Variants in TCP11L2 observed in about 807,000 individuals in gnomAD.
TCP11L2 encodes the protein t-complex 11 like 2.
In TCP11L2, 39 loss-of-function variants were observed where a neutral mutation model predicts 50.7. That is an observed-to-expected ratio of 0.77 (90% CI 0.60 to 1.01). The LOEUF (loss-of-function observed/expected upper bound fraction) is 1.01, where lower values mean the gene tolerates loss of function less well. Ranked by LOEUF, TCP11L2 falls within the 50% of genes least tolerant of loss-of-function variation. The probability of loss-of-function intolerance (pLI) is 0.00; values close to 1 mark genes in which losing one functional copy is unlikely to be tolerated. For synonymous variants in TCP11L2, 192 were observed against 219.3 expected, an observed-to-expected ratio of 0.88 and a Z score of 1.10; for missense variants, 612 against 614.7, an observed-to-expected ratio of 1.00 and a Z score of 0.05.
intron 8 of TCP11L2, 83 bp from the exon 9 acceptor site, chr12:106,340,743 A>G: frequency 8.2e-7 from 1 of 1,217,670 alleles, no homozygotes; most frequent in Non-Finnish European, 1.1e-6. Context: ...TTTGGTAGAC[A>G]TCTAAAACAA....
chr12:106,315,695 C>T (rs1191537284), intron 3 of TCP11L2, among the ~76,000 whole-genome samples: 1 of 151,806 alleles, frequency 6.6e-6, no homozygotes. Context: ...GCAAGAGGCA[C>T]TTCCTGGTTA....
intron 1 of TCP11L2, chr12:106,303,241 A>G (rs1451424468): frequency 6.6e-6 from 1 of 152,164 alleles, no homozygotes; most frequent in Non-Finnish European, 1.5e-5. Context: ...CGCTGTTTAA[A>G]TCCTGCTGGA....
chr12:106,328,289 T>C (rs1168314081), intron 6 of TCP11L2, among the ~76,000 whole-genome samples: 1 of 152,240 alleles, frequency 6.6e-6, no homozygotes. Flanking sequence ...CTTACGCCTG[T>C]AATCCCAGCA....
intron 2 of TCP11L2, 137 bp downstream of exon 2, chr12:106,311,369 A>C: frequency 2.1e-6 from 2 of 961,714 alleles, no homozygotes; most frequent in East Asian, 5.3e-5. Context: ...CTGCAGAGGC[A>C]CTGCAGCTTT....
chr12:106,301,405 T>C (rs1313479910), upstream of TCP11L2, among the ~76,000 whole-genome samples: 2 of 152,242 alleles, frequency 1.3e-5, no homozygotes, highest in African/African-American at 2.4e-5. Context: ...TATTTCACTT[T>C]ATCCTCAAAA....
At chr12:106,305,516 T>C (rs910318666) in intron 1 of TCP11L2, among the ~76,000 whole-genome samples, 4 of 152,148 alleles carry the variant, frequency 2.6e-5, no homozygotes, top group Non-Finnish European at 5.9e-5. Context: ...CACACAAGTG[T>C]AGTACTGTAA....
At chr12:106,324,800 C>G (rs182759010) in intron 6 of TCP11L2, 1 of 152,010 alleles carries the variant, frequency 6.6e-6, no homozygotes, top group African/African-American at 2.4e-5. Context: ...CTCGTACAAC[C>G]GGGTGAATGG....
At chr12:106,346,203 C>T in intron 9 of TCP11L2, 83 bp from the exon 10 acceptor site, 1 of 1,380,150 alleles carries the variant, frequency 7.2e-7, no homozygotes, top group South Asian at 1.4e-5. Flanking sequence ...TTGCAGTCAA[C>T]CTACTACAAT....
At chr12:106,318,960 G>A (rs574149384) in intron 4 of TCP11L2, among the ~76,000 whole-genome samples, 4 of 151,302 alleles carry the variant, frequency 2.6e-5, no homozygotes, top group Non-Finnish European at 5.9e-5. Flanking sequence ...GCCGGACTGC[G>A]GACTGCAGTG....
intron 6 of TCP11L2, among the ~76,000 whole-genome samples, chr12:106,334,190 A>G (rs1320096682): frequency 2.6e-5 from 4 of 152,210 alleles, no homozygotes; most frequent in Non-Finnish European, 4.4e-5. Context: ...TGGTGTCAGA[A>G]AAGCCAGGGA....
At chr12:106,325,287 G>C (rs911530544) in intron 6 of TCP11L2, 3 of 152,236 alleles carry the variant, frequency 2.0e-5, no homozygotes, top group African/African-American at 7.2e-5. Context: ...ACTACCTAGG[G>C]GGAGTGAGTG....
chr12:106,328,897 C>A (rs1186123363), intron 6 of TCP11L2, among the ~76,000 whole-genome samples: 1 of 152,154 alleles, frequency 6.6e-6, no homozygotes, highest in Admixed American at 6.6e-5. Flanking sequence ...TGAACACTCT[C>A]ACCACTCAGA....
At position 106,335,950 on chromosome 12, in the gene TCP11L2, T is replaced by C. The variant is rs145976085; in HGVS notation, c.961-82T>C. 225 of 1,497,244 alleles carry C rather than the reference T, an allele frequency of 1.5e-4. 1 individual carries two copies. In the East Asian group the frequency reaches 5.4e-3, roughly 36 times the overall value. The allele number at this position is 1,497,244 out of a possible 1,614,324, so 92.7% of individuals were successfully genotyped here. On this transcript the variant is annotated intron_variant, in intron 7 of 9. Coordinates refer to ENST00000299045, the MANE Select transcript of TCP11L2 (RefSeq NM_152772.3). Reference sequence around the variant, plus strand: ...TACAAAAATCAGATAAAAATGGGAATTTGGAAATGACATTGCCTGTTTTGT... The same window carrying C: ...TACAAAAATCAGATAAAAATGGGAACTTGGAAATGACATTGCCTGTTTTGT...
Position 106,335,583 on chromosome 12 carries a change from C to T in TCP11L2, c.773-56C>T, listed in dbSNP as rs1047782734. 1.3e-5 allele frequency: 20 copies of T among 1,556,276 alleles called. No individual in the cohort carries two copies. In the African/African-American group the frequency reaches 2.4e-4, roughly 19 times the overall value. ...AACACAGCATCTGTCAAGTGGAATA[C>T]ACCAGTGAAGGGATCAATCAGCTGT... On this transcript the variant is annotated intron_variant, in intron 6 of 9. Transcript: ENST00000299045.
intron 4 of TCP11L2, among the ~76,000 whole-genome samples, 188 bp downstream of exon 4, chr12:106,318,652 A>G (rs1396087814): frequency 6.6e-6 from 1 of 152,210 alleles, no homozygotes; most frequent in East Asian, 1.9e-4. Context: ...TGATTCATAG[A>G]TGGTGCCTTC....
chr12:106,314,425 G>A lies in TCP11L2; in HGVS notation c.225G>A (p.Leu75=). Residue 75 remains leucine, a synonymous_variant, in exon 3 of 10, where the codon TTG becomes TTA. Transcript: ENST00000299045. The part of the protein sequence containing the change: ...VMATARNLSN[L]TLAHEIAVNE... Reference sequence around the variant, plus strand: ...CTACAGCAAGGAACTTATCAAACTTGACTCTTGCTCATGAGATTGCTGTAA... The same window carrying A: ...CTACAGCAAGGAACTTATCAAACTTAACTCTTGCTCATGAGATTGCTGTAA... 6.2e-7 allele frequency: 1 copy of A among 1,613,760 alleles called. No individual in the cohort carries two copies.
rs761226883 is a variant in TCP11L2 at position 106,323,695 on chromosome 12, G to T, written c.772+49G>T. 3.1e-5 allele frequency: 30 copies of T among 953,090 alleles called. 1 individual carries two copies. In the Admixed American group the frequency reaches 5.2e-4, roughly 16 times the overall value. The allele number at this position is 953,090 out of a possible 1,614,324, so 59.0% of individuals were successfully genotyped here. ...TATATTGAAATTAGGTTAAAATGAT[G>T]ATTTTAAATGTTAAAATTTAAATTA... On this transcript the variant is annotated intron_variant, in intron 6 of 9. Transcript: ENST00000299045.
Position 106,318,471 on chromosome 12 carries a change from T to G in TCP11L2, c.414+7T>G. 1 of 1,613,326 alleles carries G rather than the reference T, an allele frequency of 6.2e-7. No homozygotes were observed. The highest frequency in any genetic ancestry group is 8.5e-7 in the Non-Finnish European group (1 of 1,179,448). On this transcript the variant is annotated splice_region_variant and intron_variant, in intron 4 of 9. Coordinates refer to ENST00000299045, the MANE Select transcript of TCP11L2 (RefSeq NM_152772.3). ...GTTTGAAGAAATCAGAGAGGCAAGT[T>G]GCTTTGTTGTCTGTGTCAGTTAGCG...
chr12:106,330,376 C>A, intron 6 of TCP11L2: 1 of 915,960 alleles, frequency 1.1e-6, no homozygotes, highest in African/African-American at 1.8e-5. Flanking sequence ...TGCCACTGCC[C>A]CCGCCCCACA....
Sources: allele counts gnomAD v4.1 joint callset (sites outside exome capture counted in the v4.1 genomes callset), GRCh38; gene constraint gnomAD v4.1.1; transcripts MANE v1.5; gene names NCBI Gene and HGNC (gene_info 2026-07-23, HGNC 2026-07-21).